FCGR2B: variants seen among roughly 807,000 people sequenced by gnomAD.
FCGR2B encodes low affinity immunoglobulin gamma Fc region receptor II-b.
A neutral mutation model predicts 24.8 loss-of-function variants in FCGR2B; 18 were observed. The ratio of observed to expected loss-of-function variants is 0.73; its 90% CI spans 0.50 to 1.08. FCGR2B has a LOEUF of 1.08. FCGR2B is among the 50% of genes least tolerant of loss of function. The pLI is 0.00. For synonymous variants in FCGR2B, 79 were observed against 109.8 expected (o/e 0.72, Z 1.75); for missense variants, 215 against 297.6 (o/e 0.72, Z 2.04).
the FCGR2B span, among the ~76,000 whole-genome samples, chr1:161,652,302 C>A: frequency 7.5e-6 from 1 of 132,484 alleles, no homozygotes; most frequent in Admixed American, 8.4e-5. Flanking sequence ...TTTTTTACTC[C>A]TTGAATTTAA....
At chr1:161,649,146 C>T in the FCGR2B span, among the ~76,000 whole-genome samples, 2 of 150,874 alleles carry the variant, frequency 1.3e-5, 1 homozygote, top group African/African-American at 4.9e-5. Context: ...GTAGTAATTT[C>T]TGACACATCA....
At chr1:161,656,240 A>T in the FCGR2B span, among the ~76,000 whole-genome samples, 3 of 148,234 alleles carry the variant, frequency 2.0e-5, 1 homozygote, top group East Asian at 3.8e-4. Flanking sequence ...TGTCTCCTGC[A>T]TGTATCCTAT....
the FCGR2B span, among the ~76,000 whole-genome samples, chr1:161,651,684 C>T: frequency 8.3e-6 from 1 of 121,114 alleles, no homozygotes; most frequent in African/African-American, 2.7e-5. Flanking sequence ...ACCTGTAATC[C>T]TGGCACTTTG....
the FCGR2B span, among the ~76,000 whole-genome samples, chr1:161,652,150 T>G: frequency 7.6e-6 from 1 of 130,832 alleles, no homozygotes; most frequent in East Asian, 2.1e-4. Context: ...ACTTCCATTA[T>G]TTTTGAAAAA....
chr1:161,675,543 AG>A (rs1204945255), intron 6 of FCGR2B: 1 of 423,406 alleles, frequency 2.4e-6, no homozygotes, highest in Admixed American at 4.5e-5. Context: ...TACAGAAGAG[AG>A]GGCTGTGTCC....
intron 3 of FCGR2B, 61 bp from the exon 4 acceptor site, chr1:161,672,914 T>C: frequency 6.2e-7 from 1 of 1,604,010 alleles, no homozygotes; most frequent in South Asian, 1.1e-5. Context: ...GTAAGGAAGA[T>C]CTGGGTCTCA....
chr1:161,653,180 G>A, the FCGR2B span, among the ~76,000 whole-genome samples: 726 of 133,822 alleles, frequency 5.4e-3, 133 homozygotes, highest in Middle Eastern at 0.012. Context: ...GAGGCAGGTG[G>A]ATCACCTGAG....
Position 161,677,500 on chromosome 1 carries a change from C to T in FCGR2B, c.880C>T (p.Leu294Phe). ...GGCTGAGAACACAATCACCTATTCA[C>T]TTCTCATGCACCCGGATGCTCTGGA... ...VGAENTITYS[L>F]LMHPDALEEP... The change falls in exon 8 of 8, where the codon CTT (leucine) becomes TTT (phenylalanine). Residue 294 changes from leucine to phenylalanine, a missense_variant. This residue lies in a region of FCGR2B where 81 missense variants were observed against 81.6 expected (regional missense o/e 0.99). Coordinates refer to ENST00000358671, the MANE Select transcript of FCGR2B (RefSeq NM_001394477.1). 1 of 1,614,108 alleles carries T rather than the reference C, an allele frequency of 6.2e-7. No homozygotes were observed. Among genetic ancestry groups the T allele is most frequent in the South Asian group, 1.1e-5 (1 of 91,082 alleles).
chr1:161,676,512 T>A (rs1410243773), intron 6 of FCGR2B: 4 of 173,272 alleles, frequency 2.3e-5, no homozygotes, highest in African/African-American at 7.1e-5. Context: ...AATGGTTTTT[T>A]AAAAATCCTT....
the FCGR2B span, among the ~76,000 whole-genome samples, chr1:161,654,368 TTTGTTG>T: frequency 1.1e-4 from 14 of 133,028 alleles, 1 homozygote; most frequent in South Asian, 7.8e-4. Flanking sequence ...ATGTTTGTTT[TTTGTTG>T]TTGTTGTTGT....
the FCGR2B span, among the ~76,000 whole-genome samples, chr1:161,648,463 A>G: frequency 6.7e-6 from 1 of 149,138 alleles, no homozygotes; most frequent in East Asian, 2.0e-4. Flanking sequence ...CGTTTCCCTG[A>G]TAAGTAGTGA....
intron 3 of FCGR2B, 33 bp from the exon 4 acceptor site, chr1:161,672,942 C>G (rs770303843): frequency 6.2e-7 from 1 of 1,613,184 alleles, no homozygotes; most frequent in East Asian, 2.2e-5. Flanking sequence ...GCCAAGACCT[C>G]CCGGGTCCTC....
At chr1:161,669,751 T>C (rs1034001202) in intron 1 of FCGR2B, among the ~76,000 whole-genome samples, 3 of 109,152 alleles carry the variant, frequency 2.7e-5, no homozygotes, top group African/African-American at 9.4e-5. Context: ...AGCGTGTGTC[T>C]GTGTGTGATC....
rs570754871 is a variant in FCGR2B, at chr1:161,673,728, C to T, written c.647-232C>T. 19 of 429,542 alleles carry T rather than the reference C, an allele frequency of 4.4e-5. 5 individuals are homozygous for T. The South Asian group carries it at 5.1e-4, about 12-fold the overall frequency. The allele number at this position is 429,542 out of a possible 1,614,324, so 26.6% of individuals were successfully genotyped here. On this transcript the variant is annotated intron_variant, in intron 4 of 7. Coordinates refer to ENST00000358671, the MANE Select transcript of FCGR2B (RefSeq NM_001394477.1). ...AGGGGAGCCCTTCCCTCTGTTCCTGCCTGCTCACAAATGTACCTTTATTAG... is the reference window on the plus strand; with the variant it reads ...AGGGGAGCCCTTCCCTCTGTTCCTGTCTGCTCACAAATGTACCTTTATTAG...
chr1:161,649,699 T>C, the FCGR2B span, among the ~76,000 whole-genome samples: 1 of 150,022 alleles, frequency 6.7e-6, no homozygotes, highest in Non-Finnish European at 1.5e-5. Flanking sequence ...GGCACCTTGA[T>C]CTTGCACTTC....
intron 4 of FCGR2B, 55 bp from the exon 5 acceptor site, chr1:161,673,905 G>A (rs1349286746): frequency 9.2e-6 from 4 of 435,946 alleles, no homozygotes; most frequent in Non-Finnish European, 1.7e-5. Context: ...AGCATTGGAT[G>A]GGGGGGAGGT....
chr1:161,651,954 A>AGG, the FCGR2B span, among the ~76,000 whole-genome samples: 2 of 99,602 alleles, frequency 2.0e-5, no homozygotes, highest in Non-Finnish European at 4.9e-5. Flanking sequence ...ATAAAATAAA[A>AGG]TAAAATAAAA....
chr1:161,678,080 G>C lies in FCGR2B; in HGVS notation c.*527G>C. ...ACATTCTGTTTACCTTTTCAAGGCT[G>C]TATTGGTTGGAGTGTAGACTGAACT... On this transcript the variant is annotated 3_prime_UTR_variant, in exon 8 of 8. Coordinates refer to ENST00000358671, the MANE Select transcript of FCGR2B (RefSeq NM_001394477.1). 1 of 218,840 alleles carries C rather than the reference G, an allele frequency of 4.6e-6. No homozygotes were observed. The highest frequency in any genetic ancestry group is 9.2e-6 in the Non-Finnish European group (1 of 109,080). 13.6% of individuals were successfully genotyped at this position (218,840 alleles called of 1,614,324 possible).
At chr1:161,649,263 C>T in the FCGR2B span, among the ~76,000 whole-genome samples, 2 of 151,012 alleles carry the variant, frequency 1.3e-5, no homozygotes, top group Non-Finnish European at 2.9e-5. Context: ...TGAAACTCCT[C>T]TTTTACTTTT....
Sources: allele counts gnomAD v4.1 joint callset (sites outside exome capture counted in the v4.1 genomes callset), GRCh38; gene constraint gnomAD v4.1.1; regional missense constraint gnomAD v4.1.1; transcripts MANE v1.5; gene names NCBI Gene and HGNC (gene_info 2026-07-23, HGNC 2026-07-21).